AKT3: variants seen among roughly 807,000 people sequenced by gnomAD.
The protein encoded by AKT3 is AKT serine/threonine kinase 3.
AKT3 carries 15 observed loss-of-function variants against 65.3 expected under a neutral mutation model. The observed-to-expected ratio is 0.23, with a 90% CI of 0.15 to 0.35. The LOEUF (loss-of-function observed/expected upper bound fraction) is 0.35. AKT3 is among the 10% of genes least tolerant of loss of function. The pLI is 1.00. For missense variants in AKT3, 243 were observed against 576.5 expected, an observed-to-expected ratio of 0.42 and a Z score of 5.92; for synonymous variants, 206 against 183.8, an observed-to-expected ratio of 1.12 and a Z score of -0.98.
intron 6 of AKT3, among the ~76,000 whole-genome samples, chr1:243,632,233 A>C (rs1679660114): frequency 6.6e-6 from 1 of 152,210 alleles, no homozygotes; most frequent in Non-Finnish European, 1.5e-5. Context: ...ATAAGACTTG[A>C]AAGTTGAAAT....
intron 1 of AKT3, among the ~76,000 whole-genome samples, chr1:243,844,776 G>T (rs900959476): frequency 1.3e-5 from 2 of 152,136 alleles, no homozygotes; most frequent in African/African-American, 2.4e-5. Context: ...TATCCCATGG[G>T]TCTTCTTCAT....
chr1:243,843,318 A>G (rs981566443), intron 1 of AKT3, 36 bp from the exon 2 acceptor site: 3 of 1,385,524 alleles, frequency 2.2e-6, no homozygotes, highest in Non-Finnish European at 2.8e-6. Context: ...TTTTTTTTCC[A>G]TTCTTGCAAC....
chr1:243,532,013 T>C (rs901964702), intron 12 of AKT3, among the ~76,000 whole-genome samples: 3 of 152,232 alleles, frequency 2.0e-5, no homozygotes, highest in Admixed American at 6.5e-5. Flanking sequence ...GGCACGTGTG[T>C]GTGTATGTTT....
intron 4 of AKT3, among the ~76,000 whole-genome samples, chr1:243,664,458 C>T (rs1234668150): frequency 6.6e-6 from 1 of 151,884 alleles, no homozygotes; most frequent in Non-Finnish European, 1.5e-5. Context: ...CCTGCCTCAG[C>T]CTCCCAGAGT....
intron 2 of AKT3, among the ~76,000 whole-genome samples, chr1:243,710,961 A>T (rs1034817975): frequency 6.6e-6 from 1 of 152,248 alleles, no homozygotes; most frequent in African/African-American, 2.4e-5. Flanking sequence ...AGCAGAGAAA[A>T]GTTCAGCTCC....
At chr1:243,841,232 A>C (rs1695221062) in intron 2 of AKT3, among the ~76,000 whole-genome samples, 1 of 152,106 alleles carries the variant, frequency 6.6e-6, no homozygotes, top group African/African-American at 2.4e-5. Flanking sequence ...GGTATTTCAA[A>C]GATATAATTA....
intron 12 of AKT3, among the ~76,000 whole-genome samples, chr1:243,527,075 G>A (rs919297644): frequency 6.6e-6 from 1 of 152,112 alleles, no homozygotes; most frequent in African/African-American, 2.4e-5. Flanking sequence ...CAGATATGAA[G>A]ATTAATCTTC....
intron 2 of AKT3, among the ~76,000 whole-genome samples, chr1:243,810,727 A>G (rs1297913617): frequency 6.6e-6 from 1 of 152,220 alleles, no homozygotes; most frequent in African/African-American, 2.4e-5. Context: ...CAACAAAAAA[A>G]AGAGAATTTT....
At chr1:243,815,178 T>A (rs1693429727) in intron 2 of AKT3, among the ~76,000 whole-genome samples, 1 of 152,214 alleles carries the variant, frequency 6.6e-6, no homozygotes, top group Non-Finnish European at 1.5e-5. Context: ...CTCTTTTTTC[T>A]TTAATAGTAT....
intron 10 of AKT3, among the ~76,000 whole-genome samples, chr1:243,553,179 C>CAA (rs35345655): frequency 8.4e-6 from 1 of 118,592 alleles, no homozygotes. Flanking sequence ...GCAGGTCGTA[C>CAA]AAAAAAAAAA....
chr1:243,623,434 G>C (rs961413471), intron 6 of AKT3, among the ~76,000 whole-genome samples: 3 of 152,166 alleles, frequency 2.0e-5, no homozygotes, highest in Non-Finnish European at 4.4e-5. Context: ...TGTGTTTCCA[G>C]AGGAGACTGG....
At chr1:243,584,868 T>TA (rs982237833) in intron 8 of AKT3, among the ~76,000 whole-genome samples, 6 of 152,116 alleles carry the variant, frequency 3.9e-5, no homozygotes, top group African/African-American at 1.4e-4. Context: ...TCACCACTCC[T>TA]AGTCAATATA....
intron 8 of AKT3, among the ~76,000 whole-genome samples, chr1:243,574,487 A>G (rs1192050960): frequency 6.6e-6 from 1 of 152,172 alleles, no homozygotes; most frequent in Non-Finnish European, 1.5e-5. Flanking sequence ...ATCATTTTAT[A>G]AAACACCAAG....
At position 243,643,910 on chromosome 1, in the gene AKT3, G is replaced by T. The variant is rs141095252; in HGVS notation, c.429+1983C>A. Among the ~76,000 whole-genome samples the T allele has an allele frequency of 8.2e-3, 1,247 of 152,304 alleles. 18 individuals are homozygous for T. Among genetic ancestry groups the T allele is most frequent in the African/African-American group, 0.028 (1,170 of 41,570 alleles). ...GATAATTGATATACATAAGGGTATAGTTCTAGAATCATTTATCTTATGAAA... is the reference window on the plus strand; with the variant it reads ...GATAATTGATATACATAAGGGTATATTTCTAGAATCATTTATCTTATGAAA... On this transcript the variant is annotated intron_variant, in intron 5 of 13. Coordinates refer to ENST00000673466, the MANE Select transcript of AKT3 (RefSeq NM_005465.7).
chr1:243,665,001 T>C (rs1018139409), intron 3 of AKT3, 118 bp from the exon 4 acceptor site: 8 of 438,272 alleles, frequency 1.8e-5, no homozygotes, highest in Non-Finnish European at 3.1e-5. Flanking sequence ...CAGCTTTCTA[T>C]GGTTCTCCAC....
intron 8 of AKT3, among the ~76,000 whole-genome samples, chr1:243,606,939 G>A (rs1429540336): frequency 6.6e-6 from 1 of 152,250 alleles, no homozygotes; most frequent in Non-Finnish European, 1.5e-5. Context: ...TTGCTTCAGA[G>A]GGTGCAAGCC....
At chr1:243,657,132 G>T (rs547245214) in intron 4 of AKT3, among the ~76,000 whole-genome samples, 6 of 152,244 alleles carry the variant, frequency 3.9e-5, no homozygotes, top group African/African-American at 1.4e-4. Flanking sequence ...GGTCATGATA[G>T]AACTCATAGA....
Position 243,599,179 on chromosome 1 carries a change from G to C in AKT3, c.696+14492C>G, listed in dbSNP as rs151295354. Among the ~76,000 whole-genome samples, 120 of 152,176 alleles carry C rather than the reference G, an allele frequency of 7.9e-4. 1 individual carries two copies. Among genetic ancestry groups the C allele is most frequent in the African/African-American group, 2.7e-3 (111 of 41,528 alleles). ...TGCAGATTTTCTCACACAAATAAAA[G>C]CTAACAAAAGTTACGGCTATCAGAC... On this transcript the variant is annotated intron_variant, in intron 8 of 13. Transcript: ENST00000673466.
chr1:243,677,064 A>G (rs1349380270), intron 3 of AKT3, among the ~76,000 whole-genome samples: 1 of 152,224 alleles, frequency 6.6e-6, no homozygotes, highest in African/African-American at 2.4e-5. Flanking sequence ...AAAGTTTCAA[A>G]CTGTATTCCT....
Sources: allele counts gnomAD v4.1 joint callset (sites outside exome capture counted in the v4.1 genomes callset), GRCh38; gene constraint gnomAD v4.1.1; transcripts MANE v1.5; gene names NCBI Gene and HGNC (gene_info 2026-07-23, HGNC 2026-07-21).